The following SEMA3D variants were observed in gnomAD, a reference collection of about 807,000 sequenced individuals.
SEMA3D encodes the protein semaphorin 3D.
In SEMA3D, 84 loss-of-function variants were observed where a neutral mutation model predicts 100.1. The observed-to-expected ratio is 0.84, with a 90% CI of 0.70 to 1.01. The LOEUF is 1.01. SEMA3D is among the 50% of genes least tolerant of loss of function. SEMA3D has a pLI of 0.00. For synonymous variants in SEMA3D, 312 were observed against 320.7 expected (o/e 0.97, Z 0.29); for missense variants, 875 against 934.1 (o/e 0.94, Z 0.82).
At chr7:85,236,205 C>A in the SEMA3D span, among the ~76,000 whole-genome samples, 1 of 151,592 alleles carries the variant, frequency 6.6e-6, no homozygotes, top group Non-Finnish European at 1.5e-5. Flanking sequence ...CCCAAGAACT[C>A]CTTTTTGTAG....
the SEMA3D span, among the ~76,000 whole-genome samples, chr7:85,217,421 T>G: frequency 6.6e-6 from 1 of 152,102 alleles, no homozygotes; most frequent in Non-Finnish European, 1.5e-5. Flanking sequence ...CTCACAGATC[T>G]TATAGTTTAA....
intron 5 of SEMA3D, among the ~76,000 whole-genome samples, chr7:85,075,321 TCAAA>T (rs1791892550): frequency 6.6e-6 from 1 of 151,632 alleles, no homozygotes; most frequent in African/African-American, 2.4e-5. Context: ...AATTATGGAG[TCAAA>T]CAGATTAGAA....
chr7:85,225,963 T>C, the SEMA3D span, among the ~76,000 whole-genome samples: 1 of 152,212 alleles, frequency 6.6e-6, no homozygotes, highest in African/African-American at 2.4e-5. Context: ...GTATATAGGA[T>C]TATAAAGCCT....
At chr7:85,167,542 T>A in intron 1 of SEMA3D, 1 of 225,704 alleles carries the variant, frequency 4.4e-6, no homozygotes, top group Non-Finnish European at 7.4e-6. Flanking sequence ...ATACACGAAA[T>A]ATCTTCAAGA....
intron 7 of SEMA3D, among the ~76,000 whole-genome samples, chr7:85,065,832 G>A (rs941085683): frequency 3.9e-5 from 6 of 152,090 alleles, no homozygotes; most frequent in Non-Finnish European, 7.4e-5. Context: ...TAAATAATAA[G>A]TGTTTCCTCT....
At chr7:85,172,852 A>T (rs1791121890) in intron 1 of SEMA3D, among the ~76,000 whole-genome samples, 1 of 152,056 alleles carries the variant, frequency 6.6e-6, no homozygotes, top group Non-Finnish European at 1.5e-5. Flanking sequence ...CAGATCCTTG[A>T]GTGAGTGGAT....
intron 17 of SEMA3D, among the ~76,000 whole-genome samples, chr7:85,011,275 G>A (rs953573070): frequency 1.3e-5 from 2 of 151,780 alleles, no homozygotes; most frequent in Non-Finnish European, 2.9e-5. Context: ...AAGTAAAAAT[G>A]AGAACCGAAA....
chr7:85,224,730 A>T, the SEMA3D span, among the ~76,000 whole-genome samples: 1 of 152,086 alleles, frequency 6.6e-6, no homozygotes, highest in Non-Finnish European at 1.5e-5. Flanking sequence ...TTCACCCTAC[A>T]ATACTAATAA....
intron 5 of SEMA3D, among the ~76,000 whole-genome samples, chr7:85,075,228 T>G (rs1228077954): frequency 6.6e-6 from 1 of 152,040 alleles, no homozygotes; most frequent in African/African-American, 2.4e-5. Context: ...TTTCAAAAGC[T>G]CAGTTAGAAT....
chr7:84,998,065 G>C lies in SEMA3D; in HGVS notation c.*1375C>G, dbSNP rs1454055928. Reference sequence around the variant, plus strand: ...CAAAAACAATACTACAATTACAACAGATTAACTCAGCAATGAGAAAAGGTT... The same window carrying C: ...CAAAAACAATACTACAATTACAACACATTAACTCAGCAATGAGAAAAGGTT... On this transcript the variant is annotated 3_prime_UTR_variant, in exon 19 of 19. Transcript: ENST00000284136. The C allele has an allele frequency of 6.6e-6, 1 of 152,144 alleles. No individual in the cohort carries two copies. The highest frequency in any genetic ancestry group is 2.4e-5 in the African/African-American group (1 of 41,462). The allele number at this position is 152,144 out of a possible 1,614,324, so 9.4% of individuals were successfully genotyped here. A position where few individuals can be genotyped will look rare whatever the true frequency, so the allele number is the denominator to read the frequency against.
At chr7:85,046,831 C>T (rs187649404) in intron 9 of SEMA3D, among the ~76,000 whole-genome samples, 17 of 152,042 alleles carry the variant, frequency 1.1e-4, no homozygotes, top group Non-Finnish European at 2.2e-4. Context: ...AAATTGTCAC[C>T]TCCTTGCTTA....
intron 9 of SEMA3D, among the ~76,000 whole-genome samples, chr7:85,050,202 T>TA (rs1791125843): frequency 6.6e-6 from 1 of 151,728 alleles, no homozygotes; most frequent in Admixed American, 6.6e-5. Context: ...GACACAAATC[T>TA]TTTCAGTGGG....
At chr7:85,062,273 C>T (rs956789192) in intron 8 of SEMA3D, among the ~76,000 whole-genome samples, 14 of 152,060 alleles carry the variant, frequency 9.2e-5, no homozygotes, top group East Asian at 1.9e-4. Flanking sequence ...AAAGATAGGA[C>T]TAGCATGGAT....
chr7:85,146,649 A>AAAT (rs1790214614), intron 2 of SEMA3D, among the ~76,000 whole-genome samples: 2 of 152,046 alleles, frequency 1.3e-5, no homozygotes, highest in Non-Finnish European at 2.9e-5. Flanking sequence ...TTTCGAAAGA[A>AAAT]AATAAAAACT....
chr7:85,165,973 C>A (rs564672530), intron 1 of SEMA3D, among the ~76,000 whole-genome samples: 1 of 151,966 alleles, frequency 6.6e-6, no homozygotes, highest in Non-Finnish European at 1.5e-5. Context: ...TTATTCCTAA[C>A]AAAATTATAT....
At chr7:85,168,844 AGAAAGAAAGAAAG>A (rs1362871328) in intron 1 of SEMA3D, among the ~76,000 whole-genome samples, 1 of 74,020 alleles carries the variant, frequency 1.4e-5, no homozygotes, top group African/African-American at 4.9e-5. Context: ...AAAGAAAGAA[AGAAAGAAAGAAAG>A]AAAGAAAGAA....
At chr7:85,093,198 G>A (rs1454884296) in intron 4 of SEMA3D, among the ~76,000 whole-genome samples, 1 of 151,976 alleles carries the variant, frequency 6.6e-6, no homozygotes, top group Non-Finnish European at 1.5e-5. Flanking sequence ...CCCTCTGTAA[G>A]TGTAGTATTC....
intron 12 of SEMA3D, chr7:85,029,474 A>G: frequency 1.4e-6 from 1 of 709,820 alleles, no homozygotes. Flanking sequence ...ATTCTTAGCA[A>G]GTGCCATGAA....
chr7:85,189,147 CT>C (rs1246940603), upstream of SEMA3D, among the ~76,000 whole-genome samples: 3 of 152,280 alleles, frequency 2.0e-5, no homozygotes, highest in African/African-American at 7.2e-5. Context: ...ATGGAATCAA[CT>C]GTTAATATGT....
Sources: gnomAD v4.1 joint callset for allele counts (sites outside exome capture counted in the v4.1 genomes callset) on GRCh38, gnomAD v4.1.1 for gene constraint, MANE v1.5 for transcripts, NCBI Gene and HGNC (gene_info 2026-07-23, HGNC 2026-07-21) for gene names.